The following XPNPEP3 variants were observed in gnomAD, a reference collection of about 807,000 sequenced individuals.
The protein encoded by XPNPEP3 is xaa-Pro aminopeptidase 3.
A neutral mutation model predicts 60.0 loss-of-function variants in XPNPEP3; 41 were observed. That is an observed-to-expected ratio of 0.68 (90% CI 0.53 to 0.89). The LOEUF (loss-of-function observed/expected upper bound fraction) is 0.89. Ranked by LOEUF, XPNPEP3 falls within the 40% of genes least tolerant of loss-of-function variation. The probability of loss-of-function intolerance (pLI) is 0.00; values close to 1 mark genes in which losing one functional copy is unlikely to be tolerated. For synonymous variants in XPNPEP3, 212 were observed against 223.2 expected, an observed-to-expected ratio of 0.95 and a Z score of 0.45; for missense variants, 598 against 638.9, an observed-to-expected ratio of 0.94 and a Z score of 0.69.
At chr22:40,873,870 TA>T (rs1272195779) in intron 2 of XPNPEP3, among the ~76,000 whole-genome samples, 5 of 152,124 alleles carry the variant, frequency 3.3e-5, no homozygotes, top group African/African-American at 1.2e-4. Context: ...GTGAATATAA[TA>T]TTTAAAATGA....
chr22:40,867,021 GGA>G (rs1433224835), intron 1 of XPNPEP3, among the ~76,000 whole-genome samples: 1 of 152,194 alleles, frequency 6.6e-6, no homozygotes, highest in Non-Finnish European at 1.5e-5. Context: ...AGGTGCAGGA[GGA>G]GAGAAAGAGA....
chr22:40,898,354 C>T (rs1330455468), intron 4 of XPNPEP3, among the ~76,000 whole-genome samples: 6 of 136,530 alleles, frequency 4.4e-5, no homozygotes, highest in Non-Finnish European at 6.0e-5. Flanking sequence ...CCCGGGTTCA[C>T]GCCATTCTCC....
chr22:40,912,120 G>A (rs754176588), intron 6 of XPNPEP3, among the ~76,000 whole-genome samples: 1 of 151,856 alleles, frequency 6.6e-6, no homozygotes, highest in African/African-American at 2.4e-5. Flanking sequence ...AACATGTAAT[G>A]GGTTTATTTT....
At chr22:40,904,078 A>T (rs554030979) in intron 4 of XPNPEP3, among the ~76,000 whole-genome samples, 2 of 152,302 alleles carry the variant, frequency 1.3e-5, no homozygotes, top group African/African-American at 2.4e-5. Flanking sequence ...TTCAGGTAGC[A>T]CTTAGTGAAG....
chr22:40,860,604 T>C (rs2145764514), intron 1 of XPNPEP3: 2 of 1,259,670 alleles, frequency 1.6e-6, no homozygotes, highest in East Asian at 2.6e-5. Flanking sequence ...GGCTATAAAC[T>C]CTACTAAAGA....
rs1327901395 is a variant in XPNPEP3, at chr22:40,922,427, A to T, written c.1150A>T (p.Ile384Phe). Reference sequence around the variant, plus strand: ...CTTCCCTGGGACAAGCTTGGAGAACATCTACAGCATGATGCTGACCCTGAT... The same window carrying T: ...CTTCCCTGGGACAAGCTTGGAGAACTTCTACAGCATGATGCTGACCCTGAT... Reference protein sequence around the residue: ...LCFPGTSLENIYSMMLTLIGQ... With the variant: ...LCFPGTSLENFYSMMLTLIGQ... Residue 384 changes from isoleucine (I) to phenylalanine (F), a missense_variant, in exon 8 of 10, where the codon ATC (isoleucine) becomes TTC (phenylalanine). By Grantham distance (21) the Ile-to-Phe change is conservative. Coordinates refer to ENST00000357137, the MANE Select transcript of XPNPEP3 (RefSeq NM_022098.4). 1.2e-6 allele frequency: 2 copies of T among 1,614,022 alleles called. No individual in the cohort carries two copies. The highest frequency in any genetic ancestry group is 3.3e-5 in the Admixed American group (2 of 60,014).
At chr22:40,877,505 AC>A (rs2145781470) in intron 2 of XPNPEP3, among the ~76,000 whole-genome samples, 1 of 152,298 alleles carries the variant, frequency 6.6e-6, no homozygotes, top group East Asian at 1.9e-4. Flanking sequence ...AATATGAAGA[AC>A]ATTATTGCTT....
intron 4 of XPNPEP3, among the ~76,000 whole-genome samples, chr22:40,892,822 A>G (rs537785839): frequency 6.6e-6 from 1 of 152,110 alleles, no homozygotes; most frequent in Admixed American, 6.6e-5. Context: ...AGGGCCCACC[A>G]AGTTATACCT....
In XPNPEP3 at chr22:40,857,176, G is replaced by C. The variant is rs1364160878; in HGVS notation, c.-6G>C. On this transcript the variant is annotated 5_prime_UTR_variant, in exon 1 of 10. Coordinates refer to ENST00000357137, the MANE Select transcript of XPNPEP3 (RefSeq NM_022098.4). ...TTTCTCTTCCCGACGCGTGAGTTAG[G>C]CCGTAATGCCTTGGCTGCTCTCAGC... 1 of 1,614,162 alleles carries C rather than the reference G, an allele frequency of 6.2e-7. No individual in the cohort carries two copies. Among genetic ancestry groups the C allele is most frequent in the Non-Finnish European group, 8.5e-7 (1 of 1,180,012 alleles).
chr22:40,860,602 A>G, intron 1 of XPNPEP3: 3 of 1,257,176 alleles, frequency 2.4e-6, no homozygotes, highest in Non-Finnish European at 2.1e-6. Context: ...TAGGCTATAA[A>G]CTCTACTAAA....
intron 2 of XPNPEP3, among the ~76,000 whole-genome samples, chr22:40,875,775 A>T (rs1181107867): frequency 6.6e-6 from 1 of 151,546 alleles, no homozygotes; most frequent in Non-Finnish European, 1.5e-5. Context: ...GCACTTTGGG[A>T]GGCCAAGGTG....
chr22:40,869,189 C>G, intron 2 of XPNPEP3, 74 bp downstream of exon 2: 1 of 1,298,418 alleles, frequency 7.7e-7, no homozygotes, highest in Non-Finnish European at 1.1e-6. Context: ...GAACTTCTTG[C>G]AGTAAGCTCT....
intron 4 of XPNPEP3, among the ~76,000 whole-genome samples, chr22:40,903,076 T>C (rs1228661495): frequency 6.6e-6 from 1 of 152,226 alleles, no homozygotes; most frequent in Non-Finnish European, 1.5e-5. Flanking sequence ...AGCATTGATC[T>C]GTTACCAGTA....
intron 7 of XPNPEP3, among the ~76,000 whole-genome samples, chr22:40,920,990 C>T (rs1004651115): frequency 6.6e-6 from 1 of 152,170 alleles, no homozygotes. Flanking sequence ...TGGGATTTCT[C>T]CATGTTGGTC....
chr22:40,914,605 A>G lies in XPNPEP3; in HGVS notation c.1055+281A>G, dbSNP rs557201078. 1.3e-3 allele frequency among the ~76,000 whole-genome samples: 151 copies of G among 120,184 alleles called. 1 individual carries two copies. The highest frequency in any genetic ancestry group is 4.7e-3 in the African/African-American group (142 of 30,116). The allele number at this position is 120,184 out of a possible 152,430, so 78.8% of individuals were successfully genotyped here. A position where few individuals can be genotyped will look rare whatever the true frequency, so the allele number is the denominator to read the frequency against. On this transcript the variant is annotated intron_variant, in intron 7 of 9. Transcript: ENST00000357137. Reference sequence around the variant, plus strand: ...CGCTGTGTCATCCAGGCTGGGGTGCAGTGGCTATTCACAGGCCAAATCATA... The same window carrying G: ...CGCTGTGTCATCCAGGCTGGGGTGCGGTGGCTATTCACAGGCCAAATCATA...
In XPNPEP3 at chr22:40,932,403, A is replaced by C. The variant is rs974312572; in HGVS notation, c.*5968A>C. ...TAGCTCAAAACAAGTTTTAAGCCTG[A>C]GAAAATATAATTTGAGGTGTTTTTT... On this transcript the variant is annotated 3_prime_UTR_variant, in exon 10 of 10. Transcript: ENST00000357137. 6.6e-6 allele frequency: 1 copy of C among 151,994 alleles called. No individual in the cohort carries two copies. Among genetic ancestry groups the C allele is most frequent in the Non-Finnish European group, 1.5e-5 (1 of 68,004 alleles). 9.4% of individuals were successfully genotyped at this position (151,994 alleles called of 1,614,324 possible). A position where few individuals can be genotyped will look rare whatever the true frequency, so the allele number is the denominator to read the frequency against.
chr22:40,885,033 A>G (rs1460397107), intron 3 of XPNPEP3, among the ~76,000 whole-genome samples: 1 of 152,096 alleles, frequency 6.6e-6, no homozygotes, highest in Admixed American at 6.5e-5. Flanking sequence ...GTCTCAAAAA[A>G]AAAAAAAATT....
intron 4 of XPNPEP3, among the ~76,000 whole-genome samples, chr22:40,906,830 T>C: frequency 6.6e-6 from 1 of 152,234 alleles, no homozygotes; most frequent in East Asian, 1.9e-4. Context: ...TTCTGGAGGC[T>C]GGGAAGTCCA....
In XPNPEP3 at chr22:40,914,334, C is replaced by G. The variant is rs9607754; in HGVS notation, c.1055+10C>G. The stretch of plus-strand genomic sequence containing the variant: ...GGCCAGTCAATGGCAGGTAGGGCTT[C>G]TACAGAGTAACGTATCCCACTGCTT... On this transcript the variant is annotated intron_variant, in intron 7 of 9. Transcript: ENST00000357137. 6.2e-7 allele frequency: 1 copy of G among 1,611,436 alleles called. No individual in the cohort carries two copies.
Sources: allele counts gnomAD v4.1 joint callset (sites outside exome capture counted in the v4.1 genomes callset), GRCh38; gene constraint gnomAD v4.1.1; transcripts MANE v1.5; gene names NCBI Gene and HGNC (gene_info 2026-07-23, HGNC 2026-07-21).